RPTOR: variants seen among roughly 807,000 people sequenced by gnomAD.
RPTOR encodes the protein regulatory-associated protein of mTOR.
RPTOR carries 21 observed loss-of-function variants against 169.9 expected under a neutral mutation model. The ratio of observed to expected loss-of-function variants is 0.12; its 90% CI spans 0.09 to 0.18. The LOEUF (loss-of-function observed/expected upper bound fraction) is 0.18. Among genes scored for constraint, RPTOR ranks in the 10% least tolerant of loss-of-function variants. The probability of loss-of-function intolerance (pLI) is 1.00; values close to 1 mark genes in which losing one functional copy is unlikely to be tolerated. For missense variants in RPTOR, 1,133 were observed against 1,855.9 expected (o/e 0.61, Z 7.16); for synonymous variants, 732 against 753.2 (o/e 0.97, Z 0.46).
chr17:80,598,238 A>G (rs945202805), intron 1 of RPTOR, among the ~76,000 whole-genome samples: 1 of 152,166 alleles, frequency 6.6e-6, no homozygotes, highest in Non-Finnish European at 1.5e-5. Flanking sequence ...TCCAGATACT[A>G]TATGATGCCA....
intron 2 of RPTOR, among the ~76,000 whole-genome samples, chr17:80,636,294 A>G (rs1378949880): frequency 1.3e-5 from 2 of 151,556 alleles, no homozygotes; most frequent in African/African-American, 4.9e-5. Context: ...CACCTCAAAC[A>G]CCCCGACCCC....
intron 1 of RPTOR, among the ~76,000 whole-genome samples, chr17:80,581,568 TGCAG>T (rs2065014127): frequency 6.8e-6 from 1 of 146,650 alleles, no homozygotes; most frequent in Non-Finnish European, 1.5e-5. Flanking sequence ...TGCTATTCTC[TGCAG>T]TGGAGACCGC....
chr17:80,603,586 C>T (rs1168204098), intron 1 of RPTOR, among the ~76,000 whole-genome samples: 9 of 152,138 alleles, frequency 5.9e-5, no homozygotes, highest in Non-Finnish European at 1.5e-5. Flanking sequence ...GACTCAGGAT[C>T]TAATACTCAT....
chr17:80,703,974 G>A (rs1278254974), intron 3 of RPTOR, among the ~76,000 whole-genome samples: 1 of 152,216 alleles, frequency 6.6e-6, no homozygotes, highest in Non-Finnish European at 1.5e-5. Flanking sequence ...TATAGCTGAT[G>A]CGTTTGGTTT....
chr17:80,831,018 T>C (rs191688437), intron 9 of RPTOR, among the ~76,000 whole-genome samples: 3 of 152,260 alleles, frequency 2.0e-5, no homozygotes, highest in Admixed American at 1.3e-4. Context: ...GTGCTGGAAT[T>C]AACAGGTGTG....
chr17:80,675,677 C>T (rs527884066), intron 3 of RPTOR, among the ~76,000 whole-genome samples: 14 of 152,022 alleles, frequency 9.2e-5, no homozygotes, highest in African/African-American at 1.4e-4. Flanking sequence ...CTGCTCTGCT[C>T]ACCGGGCTCG....
rs1005383074 is a variant in RPTOR at position 80,545,542 on chromosome 17, T to C, written c.-88T>C. Reference sequence around the variant, plus strand: ...TTCGATTTCCCGTTTTTGTTTCTTATTTCACCAATTCTGGTACACGCTAGT... The same window carrying C: ...TTCGATTTCCCGTTTTTGTTTCTTACTTCACCAATTCTGGTACACGCTAGT... On this transcript the variant is annotated 5_prime_UTR_variant, in exon 1 of 34. Transcript: ENST00000306801. 1.1e-5 allele frequency: 11 copies of C among 1,044,934 alleles called. No individual in the cohort carries two copies. In the African/African-American group the frequency reaches 1.8e-4, roughly 17 times the overall value. 64.7% of individuals were successfully genotyped at this position (1,044,934 alleles called of 1,614,324 possible). A position where few individuals can be genotyped will look rare whatever the true frequency, so the allele number is the denominator to read the frequency against.
chr17:80,849,663 C>T (rs1260650566), intron 11 of RPTOR, among the ~76,000 whole-genome samples: 1 of 152,180 alleles, frequency 6.6e-6, no homozygotes, highest in East Asian at 1.9e-4. Flanking sequence ...GGATTACAGG[C>T]ACCCGCCACC....
intron 5 of RPTOR, among the ~76,000 whole-genome samples, chr17:80,752,132 C>A (rs937403501): frequency 5.3e-5 from 8 of 152,248 alleles, no homozygotes; most frequent in Non-Finnish European, 1.2e-4. Flanking sequence ...GAAGGCAATG[C>A]AGATTCCATC....
chr17:80,636,526 A>G (rs2065507741), intron 2 of RPTOR, among the ~76,000 whole-genome samples: 1 of 152,132 alleles, frequency 6.6e-6, no homozygotes, highest in African/African-American at 2.4e-5. Flanking sequence ...GTGTCCTGTC[A>G]CGGTGAAAGG....
chr17:80,552,922 CAG>C (rs1453398074), intron 1 of RPTOR, among the ~76,000 whole-genome samples: 1 of 152,230 alleles, frequency 6.6e-6, no homozygotes, highest in Non-Finnish European at 1.5e-5. Flanking sequence ...ATTCAGCAGA[CAG>C]AGAAGGATGC....
At chr17:80,901,108 G>A (rs1272510971) in intron 20 of RPTOR, among the ~76,000 whole-genome samples, 1 of 152,230 alleles carries the variant, frequency 6.6e-6, no homozygotes, top group African/African-American at 2.4e-5. Context: ...GGACTGCGGA[G>A]GCCCCGCCCA....
chr17:80,662,607 C>T (rs1161628451), intron 3 of RPTOR, among the ~76,000 whole-genome samples: 1 of 152,038 alleles, frequency 6.6e-6, no homozygotes, highest in Non-Finnish European at 1.5e-5. Flanking sequence ...TGAAAAACAT[C>T]TCCAGTCTTA....
Position 80,857,894 on chromosome 17 carries a change from G to A in RPTOR, c.1503G>A (p.Val501=), listed in dbSNP as rs1410973188. 3.7e-6 allele frequency: 6 copies of A among 1,612,518 alleles called. No homozygotes were observed. Among genetic ancestry groups the A allele is most frequent in the African/African-American group, 2.7e-5 (2 of 74,878 alleles). Residue 501 remains valine, a synonymous_variant, in exon 13 of 34, where the codon GTG becomes GTA. Transcript: ENST00000306801. ...LVFIWAKILA[V]DSSCQADLVK... ...TCATCTGGGCCAAGATCCTCGCAGT[G>A]GACAGCGTGAGTATCCCCGCCCTCC... is the stretch of plus-strand genomic sequence containing the variant.
intron 1 of RPTOR, among the ~76,000 whole-genome samples, chr17:80,600,935 C>G (rs2065181119): frequency 1.3e-5 from 2 of 150,808 alleles, no homozygotes; most frequent in South Asian, 4.2e-4. Context: ...CCGCACGTGC[C>G]CTCTCTGCAG....
rs55752459 is a variant in RPTOR at position 80,966,117 on chromosome 17, A to ACCCCCCCCCCCCCCCCCCCCCCC, written c.*1796_*1797insCCCCCCCCCCCCCCCCCCCCCCC. On this transcript the variant is annotated 3_prime_UTR_variant, in exon 34 of 34. Coordinates refer to ENST00000306801, the MANE Select transcript of RPTOR (RefSeq NM_020761.3). ...GGCAGGTGGCTCCAGAGGGGTCAAG[A>ACCCCCCCCCCCCCCCCCCCCCCC]CCCCCCCCCGCCCCCGCTCCACCCT... The ACCCCCCCCCCCCCCCCCCCCCCC allele has an allele frequency of 1.1e-5, 2 of 175,600 alleles. No homozygotes were observed. The highest frequency in any genetic ancestry group is 1.1e-5 in the Non-Finnish European group (1 of 93,002). The allele number at this position is 175,600 out of a possible 1,614,324, so 10.9% of individuals were successfully genotyped here.
intron 21 of RPTOR, among the ~76,000 whole-genome samples, chr17:80,919,512 C>G (rs2068719035): frequency 6.6e-6 from 1 of 152,224 alleles, no homozygotes; most frequent in Admixed American, 6.5e-5. Context: ...TGGGAAAATT[C>G]ACTGTCCAAG....
rs115778801 is a variant in RPTOR, at chr17:80,604,916, T to C, written c.163-20775T>C. Among the ~76,000 whole-genome samples the C allele has an allele frequency of 7.2e-3, 895 of 124,242 alleles. 11 individuals carry two copies. Among genetic ancestry groups the C allele is most frequent in the African/African-American group, 0.023 (857 of 37,170 alleles). 81.5% of individuals were successfully genotyped at this position (124,242 alleles called of 152,430 possible). A position where few individuals can be genotyped will look rare whatever the true frequency, so the allele number is the denominator to read the frequency against. On this transcript the variant is annotated intron_variant, in intron 1 of 33. Coordinates refer to ENST00000306801, the MANE Select transcript of RPTOR (RefSeq NM_020761.3). ...GATGAGAACACAGAGCCAAGTCATA[T>C]CTTTTTTTTTTTCCCCTTTTTTTTT...
At chr17:80,759,979 C>T (rs2066717975) in intron 6 of RPTOR, among the ~76,000 whole-genome samples, 2 of 152,284 alleles carry the variant, frequency 1.3e-5, no homozygotes, top group East Asian at 1.9e-4. Context: ...CTTAACCCTT[C>T]GCATTATACT....
Sources: allele counts gnomAD v4.1 joint callset (sites outside exome capture counted in the v4.1 genomes callset), GRCh38; gene constraint gnomAD v4.1.1; transcripts MANE v1.5; gene names NCBI Gene and HGNC (gene_info 2026-07-23, HGNC 2026-07-21).